POU2F2: variants seen among roughly 807,000 people sequenced by gnomAD.
POU2F2 encodes the protein POU domain, class 2, transcription factor 2.
Under a neutral mutation model 63.5 loss-of-function variants are expected in POU2F2, and 14 were observed. That is an observed-to-expected ratio of 0.22 (90% confidence interval 0.15 to 0.34). POU2F2 has a LOEUF of 0.34. Ranked by LOEUF, POU2F2 falls within the 10% of genes least tolerant of loss-of-function variation. The pLI is 1.00. For synonymous variants in POU2F2, 306 were observed against 348.6 expected (o/e 0.88, Z 1.36); for missense variants, 607 against 815.2 (o/e 0.74, Z 3.11).
chr19:42,127,011 G>T (rs1280349791), intron 1 of POU2F2, among the ~76,000 whole-genome samples: 1 of 152,000 alleles, frequency 6.6e-6, no homozygotes. Flanking sequence ...CGACCTCCTG[G>T]GGTCAAGCTA....
At chr19:42,121,753 C>T (rs971918896) in intron 4 of POU2F2, among the ~76,000 whole-genome samples, 2 of 152,200 alleles carry the variant, frequency 1.3e-5, no homozygotes, top group African/African-American at 4.8e-5. Flanking sequence ...TACAGCTATC[C>T]TCAACTGGTA....
chr19:42,154,448 A>G (rs1210053719), intron 2 of POU2F2, among the ~76,000 whole-genome samples: 1 of 152,176 alleles, frequency 6.6e-6, no homozygotes, highest in East Asian at 1.9e-4. Flanking sequence ...AGAGAGACGC[A>G]GAGACAGTGA....
rs2034392173 is a variant in POU2F2, at chr19:42,153,340, T to C, written c.-9+6992A>G. Among the ~76,000 whole-genome samples the C allele has an allele frequency of 6.6e-6, 1 of 152,134 alleles. No homozygotes were observed. The highest frequency in any genetic ancestry group is 2.4e-5 in the African/African-American group (1 of 41,406). On this transcript the variant is annotated intron_variant, in intron 2 of 6. Coordinates refer to the POU2F2 transcript ENST00000524801. The surrounding 1 kb of genome is among the most constrained non-coding windows in gnomAD (Gnocchi z 5.6). ...GCTGTGTATGCACTTCCATGAGTGT[T>C]TCCCTGACGCTAAGTCTCTGTCTGT... is the stretch of plus-strand genomic sequence containing the variant.
In POU2F2 at chr19:42,117,461, G is replaced by A. The variant is rs768699878; in HGVS notation, c.187-29C>T. ...TGAACCAAAGAGAGGGCACGTGTGT[G>A]GCAATGGCAATCAGGCTGGCACAGG... On this transcript the variant is annotated intron_variant, in intron 4 of 14. Coordinates refer to ENST00000692977, the MANE Select transcript of POU2F2 (RefSeq NM_001394376.1). This position sits in a 1 kb window ranked among gnomAD's most constrained non-coding sequence, Gnocchi z 4.4. The A allele has an allele frequency of 1.3e-5, 11 of 872,710 alleles. No homozygotes were observed. Among genetic ancestry groups the A allele is most frequent in the Non-Finnish European group, 1.8e-5 (10 of 556,046 alleles). 54.1% of individuals were successfully genotyped at this position (872,710 alleles called of 1,614,324 possible).
At chr19:42,182,663 C>G (rs2034975196) in intron 1 of POU2F2, among the ~76,000 whole-genome samples, 1 of 152,150 alleles carries the variant, frequency 6.6e-6, no homozygotes, top group Non-Finnish European at 1.5e-5. Flanking sequence ...GAATCACAAC[C>G]TAGCTCCCTA....
Position 42,096,013 on chromosome 19 carries a change from C to T in POU2F2, c.729+69G>A. 6.2e-7 allele frequency: 1 copy of T among 1,608,848 alleles called. No individual in the cohort carries two copies. The highest frequency in any genetic ancestry group is 8.5e-7 in the Non-Finnish European group (1 of 1,177,584). ...CCGCTCCGCCCGCCCACTGGCCACG[C>T]CCCTCGCGGCATCTATCAACTGGCC... On this transcript the variant is annotated intron_variant, in intron 8 of 14. Coordinates refer to ENST00000692977, the MANE Select transcript of POU2F2 (RefSeq NM_001394376.1). The surrounding 1 kb of genome is among the most constrained non-coding windows in gnomAD (Gnocchi z 4.1).
intron 4 of POU2F2, 89 bp downstream of exon 4, chr19:42,122,037 G>A (rs1267273912): frequency 5.2e-6 from 7 of 1,342,112 alleles, no homozygotes; most frequent in Non-Finnish European, 7.5e-6. Context: ...AAGGCTCAGT[G>A]CTCTCTCAGC....
intron 1 of POU2F2, among the ~76,000 whole-genome samples, chr19:42,171,496 G>A (rs950560118): frequency 2.8e-4 from 43 of 151,650 alleles, no homozygotes; most frequent in African/African-American, 1.0e-3. Context: ...GTGACTTGGT[G>A]TATTGGCCTG....
Position 42,095,426 on chromosome 19 carries a change from C to A in POU2F2, c.1057G>T (p.Ala353Ser), listed in dbSNP as rs1310990639. ...TCCTTCTCCATGTGCAGCTGCTCGG[C>A]GATCAGCAGGATCTCCTCTGAGGTA... is the stretch of plus-strand genomic sequence containing the variant. Reference protein sequence around the residue: ...KPTSEEILLIAEQLHMEKEVI... With the variant: ...KPTSEEILLISEQLHMEKEVI... The change falls in exon 11 of 15, where the codon GCC becomes TCC. Residue 353 changes from alanine to serine, a missense_variant. By Grantham distance (99) the Ala-to-Ser change is moderately conservative. This residue lies in a region of POU2F2 where 36 missense variants were observed against 63.8 expected (regional missense o/e 0.56). Coordinates refer to ENST00000692977, the MANE Select transcript of POU2F2 (RefSeq NM_001394376.1). This position sits in a 1 kb window ranked among gnomAD's most constrained non-coding sequence, Gnocchi z 7.1. 1 of 1,613,570 alleles carries A rather than the reference C, an allele frequency of 6.2e-7. No individual in the cohort carries two copies. The highest frequency in any genetic ancestry group is 8.5e-7 in the Non-Finnish European group (1 of 1,180,000).
chr19:42,092,995 A>G lies in POU2F2; in HGVS notation c.1265-725T>C. On this transcript the variant is annotated intron_variant, in intron 12 of 14. Coordinates refer to ENST00000692977, the MANE Select transcript of POU2F2 (RefSeq NM_001394376.1). The surrounding 1 kb of genome is among the most constrained non-coding windows in gnomAD (Gnocchi z 5.0). ...ATATATTATGTGTGTGTGTATATAT[A>G]TATATATATATATATTTTTTTTTTT... Among the ~76,000 whole-genome samples the G allele has an allele frequency of 4.6e-5, 4 of 87,364 alleles. No individual in the cohort carries two copies. Among genetic ancestry groups the G allele is most frequent in the African/African-American group, 2.0e-4 (4 of 20,394 alleles). 57.3% of individuals were successfully genotyped at this position (87,364 alleles called of 152,430 possible).
chr19:42,122,192 G>T lies in POU2F2; in HGVS notation c.130-10C>A, dbSNP rs2032702679. On this transcript the variant is annotated splice_polypyrimidine_tract_variant and intron_variant, in intron 3 of 14. Coordinates refer to ENST00000692977, the MANE Select transcript of POU2F2 (RefSeq NM_001394376.1). ...TCTTATTTTGGGGGTTCTGCAAAGAGAAAGTAGGAGCAAGGGGATGGGAAT... is the reference window on the plus strand; with the variant it reads ...TCTTATTTTGGGGGTTCTGCAAAGATAAAGTAGGAGCAAGGGGATGGGAAT... 1 of 1,611,248 alleles carries T rather than the reference G, an allele frequency of 6.2e-7. No homozygotes were observed. Among genetic ancestry groups the T allele is most frequent in the Non-Finnish European group, 8.5e-7 (1 of 1,178,084 alleles).
chr19:42,121,041 G>A (rs1442012099), intron 4 of POU2F2, among the ~76,000 whole-genome samples: 1 of 152,130 alleles, frequency 6.6e-6, no homozygotes, highest in East Asian at 1.9e-4. Context: ...GGCCAGGAAG[G>A]GGAGGGAGAA....
chr19:42,179,835 T>C (rs1421996696), upstream of POU2F2, among the ~76,000 whole-genome samples: 1 of 152,126 alleles, frequency 6.6e-6, no homozygotes, highest in Non-Finnish European at 1.5e-5. Flanking sequence ...GACACAGAAC[T>C]ACCTACTACT....
intron 1 of POU2F2, among the ~76,000 whole-genome samples, chr19:42,190,001 A>G (rs936155496): frequency 2.0e-5 from 3 of 152,236 alleles, no homozygotes; most frequent in African/African-American, 7.2e-5. Context: ...TGCTGGGATT[A>G]CAGGCGTAAG....
intron 1 of POU2F2, among the ~76,000 whole-genome samples, chr19:42,194,753 T>G (rs1483677788): frequency 4.8e-5 from 3 of 63,156 alleles, no homozygotes; most frequent in Non-Finnish European, 7.9e-5. Context: ...AGTGAGACTC[T>G]GTCTCAAAAA....
chr19:42,185,178 G>A (rs559668211), intron 1 of POU2F2, among the ~76,000 whole-genome samples: 30 of 152,214 alleles, frequency 2.0e-4, no homozygotes, highest in Middle Eastern at 3.4e-3. Flanking sequence ...CTTACAAAAT[G>A]GGAATTTCAT....
intron 1 of POU2F2, among the ~76,000 whole-genome samples, chr19:42,195,470 C>T (rs1331042415): frequency 2.6e-5 from 4 of 151,192 alleles, no homozygotes; most frequent in African/African-American, 9.7e-5. Flanking sequence ...GTACCTGGAA[C>T]TACAGGCGCC....
intron 1 of POU2F2, among the ~76,000 whole-genome samples, chr19:42,194,836 AAAGGGAGG>A (rs1266932486): frequency 8.6e-6 from 1 of 116,300 alleles, no homozygotes; most frequent in African/African-American, 3.4e-5. Flanking sequence ...AGAAAGGGAG[AAAGGGAGG>A]AAGGGAGGGA....
chr19:42,175,200 G>A (rs570923179), intron 1 of POU2F2, among the ~76,000 whole-genome samples: 6 of 152,152 alleles, frequency 3.9e-5, no homozygotes, highest in Non-Finnish European at 7.4e-5. Flanking sequence ...TCTCCAGGAG[G>A]CCACAAGGAA....
Sources: gnomAD v4.1 joint callset for allele counts (sites outside exome capture counted in the v4.1 genomes callset) on GRCh38, gnomAD v4.1.1 for gene constraint, gnomAD v4.1.1 regional missense constraint, Gnocchi (gnomAD v3.1) non-coding constraint, MANE v1.5 for transcripts, NCBI Gene and HGNC (gene_info 2026-07-23, HGNC 2026-07-21) for gene names.